The following CPQ variants were observed in gnomAD, a reference collection of about 807,000 sequenced individuals.
CPQ encodes Ser-Met dipeptidase.
In CPQ, 37 loss-of-function variants were observed where a neutral mutation model predicts 45.7. That is an observed-to-expected ratio of 0.81 (90% CI 0.62 to 1.07). CPQ has a LOEUF of 1.07. Among genes scored for constraint, CPQ ranks in the 50% least tolerant of loss-of-function variants. CPQ has a pLI of 0.00. For missense variants in CPQ, 537 were observed against 572.9 expected (o/e 0.94, Z 0.64); for synonymous variants, 186 against 205.8 (o/e 0.90, Z 0.82).
intron 1 of CPQ, among the ~76,000 whole-genome samples, chr8:96,655,214 T>C (rs1456794931): frequency 3.9e-5 from 6 of 152,160 alleles, no homozygotes; most frequent in Admixed American, 2.6e-4. Flanking sequence ...ATTAGTTCCC[T>C]TGACTGTGAT....
intron 1 of CPQ, among the ~76,000 whole-genome samples, chr8:96,746,593 GC>G (rs1810185962): frequency 6.6e-6 from 1 of 152,162 alleles, no homozygotes; most frequent in South Asian, 2.1e-4. Flanking sequence ...TTAAAGCCCA[GC>G]CACAAGCATT....
intron 4 of CPQ, among the ~76,000 whole-genome samples, chr8:96,882,057 CT>C (rs1413684086): frequency 6.6e-6 from 1 of 152,154 alleles, no homozygotes; most frequent in African/African-American, 2.4e-5. Flanking sequence ...AGAAACAAGT[CT>C]TATGCACATG....
intron 7 of CPQ, among the ~76,000 whole-genome samples, chr8:97,122,978 AAATTAAAAT>A (rs1316098597): frequency 1.4e-5 from 1 of 70,308 alleles, no homozygotes; most frequent in African/African-American, 8.6e-5. Flanking sequence ...AAATAAAATA[AAATTAAAAT>A]AAAATAAAAT....
Position 97,066,073 on chromosome 8 carries a change from T to A in CPQ, c.1118T>A (p.Leu373Gln), listed in dbSNP as rs1229155640. Residue 373 changes from leucine to glutamine, a missense_variant, in exon 7 of 8, where the codon CTG becomes CAG. By Grantham distance (113) the Leu-to-Gln change is moderately radical. Transcript: ENST00000220763. Reference sequence around the variant, plus strand: ...GCAGGAACCTTCTTACCCACTGGGCTGCAATTCACTGGCAGTGAAAAGGCC... The same window carrying A: ...GCAGGAACCTTCTTACCCACTGGGCAGCAATTCACTGGCAGTGAAAAGGCC... ...SDAGTFLPTG[L>Q]QFTGSEKARA... 6.2e-7 allele frequency: 1 copy of A among 1,611,758 alleles called. No homozygotes were observed. The highest frequency in any genetic ancestry group is 1.3e-5 in the African/African-American group (1 of 74,844).
intron 4 of CPQ, among the ~76,000 whole-genome samples, chr8:96,955,332 A>C (rs913007551): frequency 1.3e-5 from 2 of 152,038 alleles, no homozygotes; most frequent in African/African-American, 4.8e-5. Context: ...TTTGATTTGC[A>C]TTTCTCTGAT....
intron 1 of CPQ, among the ~76,000 whole-genome samples, chr8:96,682,863 G>T (rs1439107769): frequency 6.6e-6 from 1 of 152,108 alleles, no homozygotes; most frequent in Non-Finnish European, 1.5e-5. Flanking sequence ...CTTGGAGACA[G>T]CATAAAATTG....
chr8:96,977,566 T>C (rs1027872491), intron 5 of CPQ, among the ~76,000 whole-genome samples: 8 of 152,150 alleles, frequency 5.3e-5, no homozygotes, highest in Admixed American at 2.0e-4. Context: ...TGATTTGCAA[T>C]TGCAAAACCA....
At chr8:96,693,941 A>T (rs1189306029) in intron 1 of CPQ, among the ~76,000 whole-genome samples, 8 of 152,184 alleles carry the variant, frequency 5.3e-5, no homozygotes, top group Admixed American at 5.2e-4. Flanking sequence ...ATAAGATATA[A>T]ATAGAACAAT....
intron 2 of CPQ, among the ~76,000 whole-genome samples, chr8:96,797,748 C>G (rs944732267): frequency 2.0e-5 from 3 of 151,998 alleles, no homozygotes; most frequent in African/African-American, 7.2e-5. Context: ...GAAACTCCCT[C>G]ACTACTAAAA....
At chr8:96,718,413 C>T (rs369805934) in intron 1 of CPQ, among the ~76,000 whole-genome samples, 17 of 152,102 alleles carry the variant, frequency 1.1e-4, no homozygotes, top group African/African-American at 3.4e-4. Context: ...TGCAGACCTT[C>T]GCGGTGAGTG....
chr8:96,915,433 A>C (rs971689884), intron 4 of CPQ, among the ~76,000 whole-genome samples: 2 of 152,216 alleles, frequency 1.3e-5, no homozygotes, highest in African/African-American at 4.8e-5. Context: ...TTCTAAAAAA[A>C]AGTTCACTCT....
At chr8:96,969,147 A>G (rs1586472393) in intron 5 of CPQ, among the ~76,000 whole-genome samples, 1 of 152,364 alleles carries the variant, frequency 6.6e-6, no homozygotes, top group East Asian at 1.9e-4. Flanking sequence ...GAAATGAAAG[A>G]TATGAGAATT....
intron 7 of CPQ, among the ~76,000 whole-genome samples, chr8:97,110,385 A>C (rs945766306): frequency 3.3e-5 from 5 of 151,934 alleles, no homozygotes; most frequent in Admixed American, 6.6e-5. Context: ...TGCATATTTA[A>C]CTTTTTTTCA....
intron 2 of CPQ, among the ~76,000 whole-genome samples, chr8:96,834,566 A>G (rs937473153): frequency 3.3e-5 from 5 of 152,232 alleles, no homozygotes; most frequent in Admixed American, 1.3e-4. Flanking sequence ...AAATAGTTAT[A>G]TAAAAAGATT....
chr8:96,909,357 G>A lies in CPQ; in HGVS notation c.849+29352G>A, dbSNP rs181428681. Among the ~76,000 whole-genome samples, 37 of 151,974 alleles carry A rather than the reference G, an allele frequency of 2.4e-4. No individual in the cohort carries two copies. The East Asian group carries it at 6.2e-3, about 25-fold the overall frequency. ...AGGAATTCACAATTACATCAGTAAC[G>A]GTGGAAATAAAATGGAGTTAGAGGC... is the stretch of plus-strand genomic sequence containing the variant. On this transcript the variant is annotated intron_variant, in intron 4 of 7. Transcript: ENST00000220763.
chr8:97,017,139 TG>T (rs1423504614), intron 5 of CPQ, among the ~76,000 whole-genome samples: 1 of 152,062 alleles, frequency 6.6e-6, no homozygotes, highest in Non-Finnish European at 1.5e-5. Context: ...ATATCCCCAC[TG>T]GAGAGGGAAC....
intron 3 of CPQ, 89 bp from the exon 4 acceptor site, chr8:96,879,709 G>C (rs777270780): frequency 2.4e-6 from 2 of 841,066 alleles, no homozygotes; most frequent in Non-Finnish European, 3.9e-6. Flanking sequence ...AAGATAAGTG[G>C]AAGTTAAATA....
rs555241010 is a variant in CPQ, at chr8:96,920,365, C to G, written c.849+40360C>G. Among the ~76,000 whole-genome samples, 418 of 152,254 alleles carry G rather than the reference C, an allele frequency of 2.7e-3. 4 individuals carry two copies. Among genetic ancestry groups the G allele is most frequent in the African/African-American group, 9.5e-3 (396 of 41,552 alleles). ...AAAGTCCATTAGCTACTCCATTTAG[C>G]TGTTAATGTTGCGAGGCCATTGGCG... On this transcript the variant is annotated intron_variant, in intron 4 of 7. Transcript: ENST00000220763.
At chr8:96,750,021 T>G (rs1257150416) in intron 1 of CPQ, among the ~76,000 whole-genome samples, 1 of 152,004 alleles carries the variant, frequency 6.6e-6, no homozygotes, top group East Asian at 1.9e-4. Context: ...GATGTAGAGA[T>G]ATATTTATAG....
Sources: gnomAD v4.1 joint callset for allele counts (sites outside exome capture counted in the v4.1 genomes callset) on GRCh38, gnomAD v4.1.1 for gene constraint, MANE v1.5 for transcripts, NCBI Gene and HGNC (gene_info 2026-07-23, HGNC 2026-07-21) for gene names.